Variants in PDE8B observed in about 807,000 individuals in gnomAD.
PDE8B encodes high affinity cAMP-specific and IBMX-insensitive 3',5'-cyclic phosphodiesterase 8B.
PDE8B carries 26 observed loss-of-function variants against 101.3 expected under a neutral mutation model. The observed-to-expected ratio is 0.26, with a 90% CI of 0.19 to 0.36. The LOEUF (loss-of-function observed/expected upper bound fraction) is 0.36. PDE8B is among the 10% of genes least tolerant of loss of function. PDE8B has a pLI of 1.00. For missense variants in PDE8B, 810 were observed against 1,163.1 expected (o/e 0.70, Z 4.42); for synonymous variants, 424 against 429.3 (o/e 0.99, Z 0.15).
At chr5:77,390,273 C>A (rs1789634013) in intron 10 of PDE8B, among the ~76,000 whole-genome samples, 1 of 152,138 alleles carries the variant, frequency 6.6e-6, no homozygotes, top group Non-Finnish European at 1.5e-5. Context: ...AGCACAAGGA[C>A]AGCAAAATTT....
At chr5:77,094,391 CCT>C in the PDE8B span, among the ~76,000 whole-genome samples, 1 of 152,184 alleles carries the variant, frequency 6.6e-6, no homozygotes, top group East Asian at 1.9e-4. Flanking sequence ...CTCACTACAG[CCT>C]CGACCTCCTG....
At chr5:77,129,198 A>T in the PDE8B span, among the ~76,000 whole-genome samples, 1 of 152,200 alleles carries the variant, frequency 6.6e-6, no homozygotes. Flanking sequence ...GAAAAGGAGG[A>T]CAGATGTGAT....
intron 3 of PDE8B, among the ~76,000 whole-genome samples, chr5:77,327,870 TC>T (rs927861158): frequency 6.6e-6 from 1 of 152,022 alleles, no homozygotes; most frequent in Non-Finnish European, 1.5e-5. Flanking sequence ...CCGGGAGCCT[TC>T]CCCCCACACA....
chr5:77,223,582 A>G (rs1039068759), intron 1 of PDE8B, among the ~76,000 whole-genome samples: 6 of 151,920 alleles, frequency 3.9e-5, no homozygotes, highest in Admixed American at 6.6e-5. Context: ...TTACAATTTG[A>G]CATTGTAACT....
At chr5:77,284,424 A>G (rs1449858882) in intron 1 of PDE8B, among the ~76,000 whole-genome samples, 1 of 152,164 alleles carries the variant, frequency 6.6e-6, no homozygotes, top group Non-Finnish European at 1.5e-5. Flanking sequence ...GATTTCCCCT[A>G]TGCTATCTTC....
At chr5:77,381,014 A>C (rs1329959804) in intron 10 of PDE8B, among the ~76,000 whole-genome samples, 2 of 152,104 alleles carry the variant, frequency 1.3e-5, no homozygotes, top group Non-Finnish European at 2.9e-5. Flanking sequence ...AACAAGAGGG[A>C]TGGAAAGGAA....
At chr5:77,390,851 A>G (rs1178879427) in intron 10 of PDE8B, among the ~76,000 whole-genome samples, 1 of 152,208 alleles carries the variant, frequency 6.6e-6, no homozygotes, top group Non-Finnish European at 1.5e-5. Context: ...TTGGCTCTGC[A>G]TACTACCTGT....
chr5:77,242,814 C>T (rs1186308048), intron 1 of PDE8B, among the ~76,000 whole-genome samples: 1 of 152,056 alleles, frequency 6.6e-6, no homozygotes, highest in Non-Finnish European at 1.5e-5. Flanking sequence ...CTACAGGCAC[C>T]CACGACCTCG....
upstream of PDE8B, among the ~76,000 whole-genome samples, chr5:77,209,386 A>C (rs977959229): frequency 2.0e-5 from 3 of 152,206 alleles, no homozygotes; most frequent in African/African-American, 4.8e-5. Context: ...AACAAAAAAC[A>C]AACCTTAAAA....
At chr5:77,290,192 C>T in intron 1 of PDE8B, 1 of 1,522,428 alleles carries the variant, frequency 6.6e-7, no homozygotes, top group Non-Finnish European at 8.9e-7. Context: ...TGATGTGGCG[C>T]CTGCCTCGCG....
In PDE8B at chr5:77,239,731, G is replaced by T. The variant is rs116750333; in HGVS notation, c.339+28467G>T. Among the ~76,000 whole-genome samples the T allele has an allele frequency of 3.8e-3, 577 of 152,214 alleles. 2 individuals carry two copies. The highest frequency in any genetic ancestry group is 0.013 in the African/African-American group (548 of 41,518). On this transcript the variant is annotated intron_variant, in intron 1 of 21. Coordinates refer to ENST00000264917, the MANE Select transcript of PDE8B (RefSeq NM_003719.5). ...CCACACATCTTTCTAACAAACATGG[G>T]CTCCTCTAGCTTTAGCTGTATTGTA...
intron 1 of PDE8B, among the ~76,000 whole-genome samples, chr5:77,270,881 C>T (rs898474559): frequency 4.6e-5 from 7 of 152,178 alleles, no homozygotes; most frequent in African/African-American, 1.4e-4. Flanking sequence ...AGGAGGACTC[C>T]GGAGTCACAC....
the PDE8B span, among the ~76,000 whole-genome samples, chr5:77,117,815 G>A: frequency 1.4e-3 from 206 of 152,240 alleles, 1 homozygote; most frequent in African/African-American, 4.9e-3. Context: ...GCATCCATTC[G>A]TTTATACATT....
intron 3 of PDE8B, among the ~76,000 whole-genome samples, chr5:77,326,466 A>G (rs374683293): frequency 5.9e-5 from 9 of 152,188 alleles, no homozygotes; most frequent in African/African-American, 2.2e-4. Context: ...AAAGGTGAGA[A>G]AATGGCTTTT....
chr5:77,380,430 C>T (rs1051636746), intron 10 of PDE8B, among the ~76,000 whole-genome samples: 6 of 152,220 alleles, frequency 3.9e-5, no homozygotes, highest in Non-Finnish European at 5.9e-5. Context: ...ACCTTCACAA[C>T]AACTCTTTGC....
intron 9 of PDE8B, among the ~76,000 whole-genome samples, chr5:77,352,078 A>G (rs1431309968): frequency 1.3e-5 from 2 of 152,166 alleles, no homozygotes; most frequent in South Asian, 2.1e-4. Context: ...ACCACCTGGT[A>G]TTTCATGCCA....
At chr5:77,087,900 A>AAATTTAAC in the PDE8B span, 2 of 152,768 alleles carry the variant, frequency 1.3e-5, no homozygotes, top group Non-Finnish European at 2.9e-5. Context: ...AAGTTCCTGG[A>AAATTTAAC]AATTTAACAA....
At chr5:77,310,094 C>T (rs1383183344) in intron 1 of PDE8B, among the ~76,000 whole-genome samples, 1 of 151,618 alleles carries the variant, frequency 6.6e-6, no homozygotes, top group Admixed American at 6.6e-5. Context: ...GGATTACAGG[C>T]GCCCGCCACC....
chr5:77,343,003 A>G (rs1186635509), intron 6 of PDE8B, among the ~76,000 whole-genome samples: 1 of 152,192 alleles, frequency 6.6e-6, no homozygotes, highest in Non-Finnish European at 1.5e-5. Context: ...CTCCATGACC[A>G]CAACTGTGAA....
Sources: gnomAD v4.1 joint callset for allele counts (sites outside exome capture counted in the v4.1 genomes callset) on GRCh38, gnomAD v4.1.1 for gene constraint, MANE v1.5 for transcripts, NCBI Gene and HGNC (gene_info 2026-07-23, HGNC 2026-07-21) for gene names.